Variants in PAFAH1B1 observed in about 807,000 individuals in gnomAD.
PAFAH1B1 encodes platelet-activating factor acetylhydrolase IB subunit beta.
PAFAH1B1 carries 2 observed loss-of-function variants against 57.5 expected under a neutral mutation model. The ratio of observed to expected loss-of-function variants is 0.03; its 90% CI spans 0.01 to 0.11. PAFAH1B1 has a LOEUF of 0.11. Ranked by LOEUF, PAFAH1B1 falls within the 10% of genes least tolerant of loss-of-function variation. The pLI, the probability that PAFAH1B1 is intolerant of heterozygous loss-of-function variation, is 1.00. For missense variants in PAFAH1B1, 257 were observed against 512.0 expected, an observed-to-expected ratio of 0.50 and a Z score of 4.81; for synonymous variants, 152 against 169.6, an observed-to-expected ratio of 0.90 and a Z score of 0.81.
intron 1 of PAFAH1B1, among the ~76,000 whole-genome samples, chr17:2,603,205 G>C (rs912999849): frequency 5.9e-5 from 9 of 152,160 alleles, no homozygotes; most frequent in Non-Finnish European, 1.2e-4. Flanking sequence ...TGTTGCCCAG[G>C]CTGGAGTGCA....
At chr17:2,648,277 G>C (rs1344769765) in intron 2 of PAFAH1B1, among the ~76,000 whole-genome samples, 3 of 152,168 alleles carry the variant, frequency 2.0e-5, no homozygotes, top group African/African-American at 4.8e-5. Context: ...CCCACCACAC[G>C]TGGGGATTAT....
chr17:2,633,118 G>C (rs889551478), intron 1 of PAFAH1B1, among the ~76,000 whole-genome samples: 4 of 150,696 alleles, frequency 2.7e-5, no homozygotes, highest in Admixed American at 2.6e-4. Flanking sequence ...CATTTCTCCT[G>C]TGGTCTTTTT....
At chr17:2,648,677 C>CA (rs56187260) in intron 2 of PAFAH1B1, among the ~76,000 whole-genome samples, 26,753 of 86,612 alleles carry the variant, frequency 0.31, 3,031 homozygotes, top group Middle Eastern at 0.38. Flanking sequence ...GACTCTGTCT[C>CA]AAAAAAAAAA....
intron 5 of PAFAH1B1, among the ~76,000 whole-genome samples, chr17:2,668,825 A>C (rs963566185): frequency 2.0e-5 from 3 of 151,794 alleles, no homozygotes; most frequent in Non-Finnish European, 4.4e-5. Context: ...AAATACAAAA[A>C]ATTAGCCGGG....
At chr17:2,675,596 G>T (rs1388821878) in intron 8 of PAFAH1B1, among the ~76,000 whole-genome samples, 1 of 150,894 alleles carries the variant, frequency 6.6e-6, no homozygotes, top group Admixed American at 6.6e-5. Flanking sequence ...GAGCCCAGGA[G>T]TTTGAGCAAC....
At chr17:2,594,627 C>T (rs999003087) in intron 1 of PAFAH1B1, among the ~76,000 whole-genome samples, 1 of 152,216 alleles carries the variant, frequency 6.6e-6, no homozygotes, top group Non-Finnish European at 1.5e-5. Flanking sequence ...GCGGTCCAGC[C>T]TCAGCACCCG....
At chr17:2,598,207 C>A (rs566069729) in intron 1 of PAFAH1B1, among the ~76,000 whole-genome samples, 3 of 152,166 alleles carry the variant, frequency 2.0e-5, no homozygotes, top group East Asian at 3.9e-4. Flanking sequence ...CGAGATCGCA[C>A]CATTACGCTC....
intron 2 of PAFAH1B1, chr17:2,641,628 T>A (rs1406011603): frequency 1.3e-5 from 2 of 152,224 alleles, no homozygotes; most frequent in Admixed American, 6.5e-5. Context: ...ATTTCCTTAC[T>A]TTCTAGAATA....
intron 2 of PAFAH1B1, among the ~76,000 whole-genome samples, chr17:2,644,603 C>T (rs2068742750): frequency 6.6e-6 from 1 of 152,068 alleles, no homozygotes; most frequent in South Asian, 2.1e-4. Flanking sequence ...CTACTTATAC[C>T]TTAATGTATT....
chr17:2,665,405 T>C lies in PAFAH1B1; in HGVS notation c.66T>C (p.Asn22=). The change falls in exon 3 of 11, where the codon AAT becomes AAC. Residue 22 remains asparagine, a synonymous_variant. Transcript: ENST00000397195. ...CTATAGCAGATTATCTTCGTTCAAATGGCTATGAAGAGGCATATTCAGTTT... is the reference window on the plus strand; with the variant it reads ...CTATAGCAGATTATCTTCGTTCAAACGGCTATGAAGAGGCATATTCAGTTT... ...NRAIADYLRS[N]GYEEAYSVFK... 6.2e-7 allele frequency: 1 copy of C among 1,608,794 alleles called. No homozygotes were observed. Among genetic ancestry groups the C allele is most frequent in the Non-Finnish European group, 8.5e-7 (1 of 1,176,686 alleles).
intron 1 of PAFAH1B1, among the ~76,000 whole-genome samples, chr17:2,606,324 G>A (rs2068203846): frequency 6.6e-6 from 1 of 152,050 alleles, no homozygotes; most frequent in Non-Finnish European, 1.5e-5. Flanking sequence ...AGCCTATCAT[G>A]AGACCTATGC....
chr17:2,676,655 C>A, intron 9 of PAFAH1B1, 49 bp downstream of exon 9: 1 of 1,058,332 alleles, frequency 9.4e-7, no homozygotes. Context: ...ACTGTTTATA[C>A]CTTTTTGGAT....
Position 2,680,104 on chromosome 17 carries a change from A to C in PAFAH1B1, c.1003-60A>C, listed in dbSNP as rs901104182. On this transcript the variant is annotated intron_variant, in intron 9 of 10. Transcript: ENST00000397195. ...TATGTATAGTTTTATCGTATTATGA[A>C]ATAGATGCTATTTAAACATTTTGCC... The C allele has an allele frequency of 2.1e-6, 3 of 1,414,366 alleles. No homozygotes were observed. The African/African-American group carries it at 4.2e-5, about 20-fold the overall frequency. The allele number at this position is 1,414,366 out of a possible 1,614,324, so 87.6% of individuals were successfully genotyped here.
intron 2 of PAFAH1B1, among the ~76,000 whole-genome samples, chr17:2,643,423 T>C (rs950133245): frequency 6.6e-6 from 1 of 152,004 alleles, no homozygotes; most frequent in Non-Finnish European, 1.5e-5. Context: ...CTGGCCACAC[T>C]CAGCTAATTT....
At position 2,674,298 on chromosome 17, in the gene PAFAH1B1, A is replaced by C; in HGVS notation, c.900+10A>C. The C allele has an allele frequency of 6.3e-7, 1 of 1,579,484 alleles. No homozygotes were observed. The highest frequency in any genetic ancestry group is 8.7e-7 in the Non-Finnish European group (1 of 1,148,366). On this transcript the variant is annotated intron_variant, in intron 8 of 10. Transcript: ENST00000397195. ...AGCAACAGGATCTGAGGTACTGTAT[A>C]TACAAATGTCTTCATGGTTTTATTG...
chr17:2,609,773 G>A (rs1400796302), intron 1 of PAFAH1B1, among the ~76,000 whole-genome samples: 1 of 152,052 alleles, frequency 6.6e-6, no homozygotes, highest in Non-Finnish European at 1.5e-5. Context: ...GCCTCCCAAA[G>A]TGCTGGGATT....
intron 10 of PAFAH1B1, 73 bp downstream of exon 10, chr17:2,680,393 G>A (rs2069363671): frequency 7.4e-7 from 1 of 1,358,252 alleles, no homozygotes; most frequent in Non-Finnish European, 1.1e-6. Context: ...ACATAATCGT[G>A]TGGACTTTGC....
chr17:2,604,833 C>T (rs954297370), intron 1 of PAFAH1B1, among the ~76,000 whole-genome samples: 1 of 151,762 alleles, frequency 6.6e-6, no homozygotes, highest in African/African-American at 2.4e-5. Flanking sequence ...TTGGAGTGAA[C>T]GTGGGAGGTC....
chr17:2,634,853 G>C (rs991841000), intron 1 of PAFAH1B1, among the ~76,000 whole-genome samples: 2 of 152,052 alleles, frequency 1.3e-5, no homozygotes, highest in African/African-American at 4.8e-5. Flanking sequence ...CCAGTAGACT[G>C]TAACTTCTTG....
Sources: gnomAD v4.1 joint callset for allele counts (sites outside exome capture counted in the v4.1 genomes callset) on GRCh38, gnomAD v4.1.1 for gene constraint, MANE v1.5 for transcripts, NCBI Gene and HGNC (gene_info 2026-07-23, HGNC 2026-07-21) for gene names.